MAF: variants seen among roughly 807,000 people sequenced by gnomAD.
MAF encodes the protein MAF bZIP transcription factor, also known as transcription factor Maf.
In MAF, 10 loss-of-function variants were observed where a neutral mutation model predicts 22.0. The observed-to-expected ratio is 0.45, with a 90% CI of 0.28 to 0.77. The LOEUF (loss-of-function observed/expected upper bound fraction) is 0.77. Among genes scored for constraint, MAF ranks in the 30% least tolerant of loss-of-function variants. The pLI is 0.12. For synonymous variants in MAF, 337 were observed against 255.8 expected (o/e 1.32, Z -3.03); for missense variants, 544 against 548.4 (o/e 0.99, Z 0.08).
downstream of MAF, among the ~76,000 whole-genome samples, chr16:79,582,732 C>A (rs570444921): frequency 1.3e-5 from 2 of 152,270 alleles, no homozygotes; most frequent in Admixed American, 1.3e-4. Context: ...TTTCTCAGTG[C>A]CAACAGATAT....
At chr16:79,485,818 A>C in the MAF span, among the ~76,000 whole-genome samples, 1 of 152,150 alleles carries the variant, frequency 6.6e-6, no homozygotes, top group Non-Finnish European at 1.5e-5. Context: ...GAAGTAAGCT[A>C]CAAATGGCCC....
chr16:79,448,752 A>G, the MAF span, among the ~76,000 whole-genome samples: 1 of 148,608 alleles, frequency 6.7e-6, no homozygotes, highest in Non-Finnish European at 1.5e-5. Context: ...AGTTATATAC[A>G]TTTAAAAAAA....
the MAF span, among the ~76,000 whole-genome samples, chr16:79,425,185 A>G: frequency 6.6e-6 from 1 of 152,184 alleles, no homozygotes; most frequent in Non-Finnish European, 1.5e-5. Context: ...ATTCATATCT[A>G]TTTATATGAT....
the MAF span, among the ~76,000 whole-genome samples, chr16:79,405,763 T>C: frequency 6.6e-6 from 1 of 152,050 alleles, no homozygotes. Flanking sequence ...TCTTGCATTA[T>C]CTTATTTAGT....
the MAF span, among the ~76,000 whole-genome samples, chr16:79,316,358 G>T: frequency 1.3e-5 from 2 of 152,164 alleles, no homozygotes; most frequent in African/African-American, 4.8e-5. Context: ...ACCCATAAAT[G>T]GAGAAGGCAG....
the MAF span, among the ~76,000 whole-genome samples, chr16:79,322,984 A>T: frequency 0.066 from 10,018 of 151,314 alleles, 423 homozygotes; most frequent in African/African-American, 0.12. Flanking sequence ...CCCCATCTCT[A>T]CTAAAAATAC....
chr16:79,442,610 G>A, the MAF span, among the ~76,000 whole-genome samples: 3 of 151,654 alleles, frequency 2.0e-5, no homozygotes, highest in African/African-American at 7.3e-5. Context: ...GGTGCAGCAC[G>A]ATCATGGCTC....
At chr16:79,282,136 A>C in the MAF span, among the ~76,000 whole-genome samples, 1 of 152,140 alleles carries the variant, frequency 6.6e-6, no homozygotes, top group Non-Finnish European at 1.5e-5. Flanking sequence ...CCCCGTCTCT[A>C]CTAAAAATAC....
At chr16:79,499,740 C>G in the MAF span, among the ~76,000 whole-genome samples, 25 of 152,204 alleles carry the variant, frequency 1.6e-4, no homozygotes, top group Non-Finnish European at 2.6e-4. Flanking sequence ...AGCTCCAGAA[C>G]TGTGCAAAAT....
the MAF span, among the ~76,000 whole-genome samples, chr16:79,261,999 G>A: frequency 6.6e-6 from 1 of 152,080 alleles, no homozygotes; most frequent in Non-Finnish European, 1.5e-5. Flanking sequence ...AAAACATCAT[G>A]CACAATCCTA....
At chr16:79,593,414 A>G (rs561562481), downstream of MAF, among the ~76,000 whole-genome samples, 1 of 152,272 alleles carries the variant, frequency 6.6e-6, no homozygotes, top group African/African-American at 2.4e-5. Context: ...TTTAGCAGGA[A>G]AACTGGCAGT....
At chr16:79,269,954 C>G in the MAF span, among the ~76,000 whole-genome samples, 5 of 152,176 alleles carry the variant, frequency 3.3e-5, no homozygotes, top group Middle Eastern at 3.2e-3. Flanking sequence ...CGAACCTGGT[C>G]CATTCATCTC....
At chr16:79,348,279 T>C in the MAF span, among the ~76,000 whole-genome samples, 1 of 152,246 alleles carries the variant, frequency 6.6e-6, no homozygotes, top group South Asian at 2.1e-4. Flanking sequence ...TAAATAAATT[T>C]CTTCTTATGA....
the MAF span, among the ~76,000 whole-genome samples, chr16:79,399,016 C>T: frequency 8.5e-5 from 13 of 152,176 alleles, no homozygotes; most frequent in Admixed American, 5.9e-4. Flanking sequence ...ATCTGCCTCT[C>T]AAGTGCCCAG....
At chr16:79,289,849 T>TA in the MAF span, among the ~76,000 whole-genome samples, 5 of 93,402 alleles carry the variant, frequency 5.4e-5, no homozygotes, top group South Asian at 1.0e-3. Flanking sequence ...GATGTTTGTT[T>TA]GTGTATTTTT....
the MAF span, among the ~76,000 whole-genome samples, chr16:79,350,904 C>T: frequency 8.5e-3 from 964 of 112,832 alleles, 12 homozygotes; most frequent in African/African-American, 0.031. Flanking sequence ...TGTGTGTGTG[C>T]GTGTGAATAC....
intron 1 of MAF, among the ~76,000 whole-genome samples, chr16:79,588,739 A>C (rs772880451): frequency 4.6e-5 from 7 of 152,252 alleles, no homozygotes; most frequent in Non-Finnish European, 1.0e-4. Context: ...TGGGATTACA[A>C]GCATGAGCCA....
the MAF span, among the ~76,000 whole-genome samples, chr16:79,375,823 T>G: frequency 8.6e-3 from 1,313 of 152,278 alleles, 16 homozygotes; most frequent in African/African-American, 0.028. Flanking sequence ...TTCACTCCCT[T>G]GTGGTTCCCA....
At chr16:79,213,650 TGA>T in the MAF span, among the ~76,000 whole-genome samples, 172 of 152,294 alleles carry the variant, frequency 1.1e-3, no homozygotes, top group Middle Eastern at 6.8e-3. Flanking sequence ...TGCTGGATGA[TGA>T]GAGACACGTA....
Sources: allele counts gnomAD v4.1 joint callset (sites outside exome capture counted in the v4.1 genomes callset), GRCh38; gene constraint gnomAD v4.1.1; transcripts MANE v1.5; gene names NCBI Gene and HGNC (gene_info 2026-07-23, HGNC 2026-07-21).